The following BCOR variants were observed in gnomAD, a reference collection of about 807,000 sequenced individuals.
The protein encoded by BCOR is BCL-6 corepressor.
A neutral mutation model predicts 86.7 loss-of-function variants in BCOR; 10 were observed. The ratio of observed to expected loss-of-function variants is 0.12; its 90% CI spans 0.07 to 0.20. BCOR has a LOEUF of 0.20. BCOR is among the 10% of genes least tolerant of loss of function. BCOR has a pLI of 1.00. For synonymous variants in BCOR, 611 were observed against 609.0 expected (o/e 1.00, Z -0.05); for missense variants, 1,259 against 1,452.1 (o/e 0.87, Z 2.16).
chrX:40,160,018 T>TTG (rs2148008569), intron 1 of BCOR, among the ~76,000 whole-genome samples: 1 of 112,836 alleles, frequency 8.9e-6, no homozygotes, highest in Admixed American at 9.3e-5. Context: ...TAGTAAGGCA[T>TTG]TGTGCTCTAG....
intron 1 of BCOR, among the ~76,000 whole-genome samples, chrX:40,165,268 C>T (rs1039284300): frequency 1.3e-4 from 14 of 111,681 alleles, no homozygotes; most frequent in African/African-American, 4.6e-4. Context: ...ACGCAGGCAA[C>T]CCCGCTTCCC....
In BCOR at chrX:40,071,652, G is replaced by A. The variant is rs190344757; in HGVS notation, c.3036C>T (p.Pro1012=). Residue 1012 remains proline, a synonymous_variant, in exon 5 of 15, where the codon CCC becomes CCT. Transcript: ENST00000378444. ...GLQEDSILCL[P]AAYCERAMMR... ...AAGAACTGACCTCACAGTAAGCAGCGGGTAGACATAAAATACTGTCCTCTT... is the reference window on the plus strand; with the variant it reads ...AAGAACTGACCTCACAGTAAGCAGCAGGTAGACATAAAATACTGTCCTCTT... 5.1e-5 allele frequency: 61 copies of A among 1,195,064 alleles called. No individual in the cohort carries two copies. Among genetic ancestry groups the A allele is most frequent in the East Asian group, 5.9e-5 (2 of 33,715 alleles).
intron 1 of BCOR, among the ~76,000 whole-genome samples, chrX:40,134,611 A>C (rs1026866928): frequency 9.0e-6 from 1 of 111,667 alleles, no homozygotes; most frequent in Non-Finnish European, 1.9e-5. Flanking sequence ...TGACAGAATG[A>C]GACCCTGTCT....
At chrX:40,158,399 G>GGGGCTGCCGCGCGGGCGTTCCC (rs1938344372) in intron 1 of BCOR, among the ~76,000 whole-genome samples, 1 of 112,012 alleles carries the variant, frequency 8.9e-6, no homozygotes, top group Non-Finnish European at 1.9e-5. Flanking sequence ...AGGCTGGGCC[G>GGGGCTGCCGCGCGGGCGTTCCC]GGGCTGCCGC....
At chrX:40,175,960 CTCG>C (rs1375751368) in intron 1 of BCOR, among the ~76,000 whole-genome samples, 1 of 112,912 alleles carries the variant, frequency 8.9e-6, no homozygotes, top group Non-Finnish European at 1.9e-5. Context: ...GGACCTGAAC[CTCG>C]TGGACTACGG....
At chrX:40,152,707 T>A (rs1056790155) in intron 1 of BCOR, among the ~76,000 whole-genome samples, 1 of 111,137 alleles carries the variant, frequency 9.0e-6, no homozygotes, top group African/African-American at 3.3e-5. Context: ...TCTGCAGGAG[T>A]GCGGGGTGCT....
intron 12 of BCOR, among the ~76,000 whole-genome samples, 166 bp from the exon 13 acceptor site, chrX:40,054,499 C>CTTT (rs147324206): frequency 1.0e-5 from 1 of 98,885 alleles, no homozygotes; most frequent in African/African-American, 3.7e-5. Flanking sequence ...TTATGTATCT[C>CTTT]TTTTTTTTTT....
intron 9 of BCOR, 53 bp from the exon 10 acceptor site, chrX:40,062,446 C>A: frequency 1.7e-6 from 2 of 1,170,004 alleles, no homozygotes; most frequent in East Asian, 3.1e-5. Context: ...TTCTAACAGC[C>A]GCTGCTTCCC....
intron 1 of BCOR, among the ~76,000 whole-genome samples, chrX:40,089,921 C>T (rs1936523675): frequency 8.9e-6 from 1 of 112,108 alleles, no homozygotes; most frequent in African/African-American, 3.2e-5. Flanking sequence ...TATTGGGCCA[C>T]CCAGAGTCCC....
chrX:40,173,588 C>T (rs748978737), intron 1 of BCOR, among the ~76,000 whole-genome samples: 2 of 112,105 alleles, frequency 1.8e-5, no homozygotes, highest in Admixed American at 9.4e-5. Flanking sequence ...TCCACTAGAC[C>T]GTCCCATAAA....
intron 1 of BCOR, among the ~76,000 whole-genome samples, chrX:40,118,632 C>T (rs1186418607): frequency 2.7e-5 from 3 of 111,696 alleles, no homozygotes; most frequent in Admixed American, 9.5e-5. Flanking sequence ...CCCTCTTAAC[C>T]GCATCTTCCA....
chrX:40,129,839 G>A (rs1304385523), intron 1 of BCOR, among the ~76,000 whole-genome samples: 1 of 110,591 alleles, frequency 9.0e-6, no homozygotes, highest in African/African-American at 3.3e-5. Flanking sequence ...TCCGGAGTTC[G>A]AGACCAGCCT....
At chrX:40,122,012 T>C (rs5963159) in intron 1 of BCOR, among the ~76,000 whole-genome samples, 21,716 of 111,197 alleles carry the variant, frequency 0.2, 2,145 homozygotes, top group African/African-American at 0.39. Flanking sequence ...AGCCATCTCA[T>C]TTCTGCCCAA....
At chrX:40,156,600 A>G (rs1283305551) in intron 1 of BCOR, among the ~76,000 whole-genome samples, 7 of 112,757 alleles carry the variant, frequency 6.2e-5, no homozygotes, top group Non-Finnish European at 1.3e-4. Context: ...GCCCCCTTTC[A>G]GCAGCCTCAC....
intron 1 of BCOR, among the ~76,000 whole-genome samples, chrX:40,160,981 ATT>A (rs757432695): frequency 3.2e-5 from 3 of 94,005 alleles, no homozygotes; most frequent in African/African-American, 1.2e-4. Flanking sequence ...GGCCTTTTTT[ATT>A]TTTTTTTTTT....
intron 1 of BCOR, among the ~76,000 whole-genome samples, chrX:40,133,415 C>T (rs1284044152): frequency 2.8e-5 from 3 of 107,011 alleles, no homozygotes; most frequent in South Asian, 3.9e-4. Context: ...GGATTACAGG[C>T]GTGAGCCACC....
chrX:40,141,422 A>G (rs1047030771), intron 1 of BCOR, among the ~76,000 whole-genome samples: 5 of 112,793 alleles, frequency 4.4e-5, no homozygotes, highest in African/African-American at 1.6e-4. Flanking sequence ...GGCTGGGCCC[A>G]GGCCAGATGG....
Position 40,054,001 on chromosome X carries a change from G to A in BCOR, c.4861C>T (p.Pro1621Ser). 1 of 1,211,566 alleles carries A rather than the reference G, an allele frequency of 8.3e-7. No homozygotes were observed. Among genetic ancestry groups the A allele is most frequent in the Non-Finnish European group, 1.1e-6 (1 of 895,303 alleles). Residue 1621 changes from proline to serine, a missense_variant, in exon 14 of 15, where the codon CCA becomes TCA. Pro to Ser is a moderately conservative substitution (Grantham distance 74). Transcript: ENST00000378444. ...TCATCATCCTGGTCTTCTGGTCCTG[G>A]GGGGTTGGCTAAAACATCATAGCCA... ...ESGYDVLANP[P>S]GPEDQDDDDD...
At chrX:40,154,203 G>A (rs1474286141) in intron 1 of BCOR, among the ~76,000 whole-genome samples, 3 of 112,635 alleles carry the variant, frequency 2.7e-5, no homozygotes, top group Non-Finnish European at 5.6e-5. Context: ...GAAGCGCGCT[G>A]TCCTTGAGGC....
Sources: gnomAD v4.1 joint callset for allele counts (sites outside exome capture counted in the v4.1 genomes callset) on GRCh38, gnomAD v4.1.1 for gene constraint, MANE v1.5 for transcripts, NCBI Gene and HGNC (gene_info 2026-07-23, HGNC 2026-07-21) for gene names.